Variants in NTRK3 observed in about 807,000 individuals in gnomAD.
NTRK3 encodes NT-3 growth factor receptor.
In NTRK3, 24 loss-of-function variants were observed where a neutral mutation model predicts 91.7. The observed-to-expected ratio is 0.26, with a 90% CI of 0.19 to 0.37. NTRK3 has a LOEUF of 0.37. Ranked by LOEUF, NTRK3 falls within the 10% of genes least tolerant of loss-of-function variation. NTRK3 has a pLI of 1.00. For synonymous variants in NTRK3, 483 were observed against 404.0 expected, an observed-to-expected ratio of 1.20 and a Z score of -2.34; for missense variants, 880 against 1,068.9, an observed-to-expected ratio of 0.82 and a Z score of 2.46.
chr15:88,006,430 G>A (rs1350551085), intron 14 of NTRK3, among the ~76,000 whole-genome samples: 1 of 152,222 alleles, frequency 6.6e-6, no homozygotes, highest in African/African-American at 2.4e-5. Context: ...ACTACCAGGA[G>A]CCTGGGGAAA....
chr15:88,088,579 C>T (rs138635903), intron 13 of NTRK3, among the ~76,000 whole-genome samples: 1 of 152,206 alleles, frequency 6.6e-6, no homozygotes, highest in African/African-American at 2.4e-5. Flanking sequence ...TAATACTATG[C>T]ATATACCAGC....
At chr15:88,161,899 C>T (rs962027045) in intron 5 of NTRK3, among the ~76,000 whole-genome samples, 1 of 152,114 alleles carries the variant, frequency 6.6e-6, no homozygotes, top group East Asian at 1.9e-4. Flanking sequence ...GATTTTTTAC[C>T]ACAAGCAATG....
intron 14 of NTRK3, among the ~76,000 whole-genome samples, chr15:88,025,413 C>T (rs551339313): frequency 6.6e-6 from 1 of 152,306 alleles, no homozygotes; most frequent in South Asian, 2.1e-4. Context: ...GGTCAAAGCC[C>T]TAACTCCCAG....
chr15:87,865,754 G>A, exon 19 of NTRK3: 1 of 226,384 alleles, frequency 4.4e-6, no homozygotes. Flanking sequence ...GCTACAAAAT[G>A]TCAGAGTTCC....
chr15:87,984,054 G>A (rs2074524856), intron 14 of NTRK3, among the ~76,000 whole-genome samples: 1 of 152,150 alleles, frequency 6.6e-6, no homozygotes, highest in South Asian at 2.1e-4. Flanking sequence ...TTTTGATGAT[G>A]TTTCAGGGAG....
chr15:88,030,777 A>G (rs1243711743), intron 14 of NTRK3, among the ~76,000 whole-genome samples: 1 of 151,574 alleles, frequency 6.6e-6, no homozygotes, highest in East Asian at 1.9e-4. Context: ...TTAAAAAAAA[A>G]TCATTTATTT....
chr15:88,176,425 G>A (rs1202453929), intron 5 of NTRK3, among the ~76,000 whole-genome samples: 2 of 152,162 alleles, frequency 1.3e-5, no homozygotes, highest in Non-Finnish European at 1.5e-5. Context: ...GTGAGCCACT[G>A]TGCCCGGCCC....
intron 18 of NTRK3, among the ~76,000 whole-genome samples, chr15:87,878,706 T>C (rs973771379): frequency 3.3e-5 from 5 of 152,212 alleles, no homozygotes; most frequent in African/African-American, 1.2e-4. Context: ...GTGGGGGAAG[T>C]GGCTGAGGGC....
At chr15:88,009,656 C>T (rs1017080971) in intron 14 of NTRK3, among the ~76,000 whole-genome samples, 8 of 152,176 alleles carry the variant, frequency 5.3e-5, no homozygotes, top group African/African-American at 1.7e-4. Context: ...TGTTTTGCAA[C>T]CTGTCTATCT....
At chr15:88,036,679 G>A (rs1023072655) in intron 13 of NTRK3, among the ~76,000 whole-genome samples, 1 of 152,138 alleles carries the variant, frequency 6.6e-6, no homozygotes, top group African/African-American at 2.4e-5. Context: ...CCATGCCCAG[G>A]CTGTCTTGTT....
chr15:88,135,756 C>A, intron 9 of NTRK3, 143 bp downstream of exon 9: 1 of 1,132,578 alleles, frequency 8.8e-7, no homozygotes. Context: ...CTTCTCAGTC[C>A]TGCCCTACAA....
chr15:87,992,719 G>C (rs994933359), intron 14 of NTRK3, among the ~76,000 whole-genome samples: 3 of 152,248 alleles, frequency 2.0e-5, no homozygotes, highest in Non-Finnish European at 4.4e-5. Flanking sequence ...TGAAGGGGCA[G>C]AGATGCTCAG....
intron 13 of NTRK3, among the ~76,000 whole-genome samples, chr15:88,061,039 C>T (rs2046169291): frequency 6.6e-6 from 1 of 151,800 alleles, no homozygotes; most frequent in Admixed American, 6.6e-5. Flanking sequence ...CATCTACTTC[C>T]ATTTTTTCAG....
chr15:87,958,827 G>A (rs988893329), intron 14 of NTRK3, among the ~76,000 whole-genome samples: 7 of 151,916 alleles, frequency 4.6e-5, no homozygotes, highest in African/African-American at 1.5e-4. Flanking sequence ...CTGGGACATG[G>A]TCGGCTAACC....
rs779387312 is a variant in NTRK3 at position 88,255,984 on chromosome 15, A to G, written c.170T>C (p.Leu57Pro). The G allele has an allele frequency of 6.2e-7, 1 of 1,613,328 alleles. No individual in the cohort carries two copies. Among genetic ancestry groups the G allele is most frequent in the Non-Finnish European group, 8.5e-7 (1 of 1,179,608 alleles). The change falls in exon 3 of 19, where the codon CTG becomes CCG. Residue 57 changes from leucine to proline, a missense_variant. Around this residue, in one of 3 missense-constraint regions of NTRK3, gnomAD observed 743 missense variants for 868.6 expected, o/e 0.86. Transcript: ENST00000394480. This position sits in a 1 kb window ranked among gnomAD's most constrained non-coding sequence, Gnocchi z 4.3. ...GCTGTTCCCTGAATCCTGCCCTTCC[A>G]GGAGGGGGAAGAGGTTCCCATCGTC...
rs77266859 is a variant in NTRK3 at position 88,078,278 on chromosome 15, C to A, written c.1397-45233G>T. On this transcript the variant is annotated intron_variant, in intron 13 of 18. Transcript: ENST00000394480. Reference sequence around the variant, plus strand: ...ACAGAAAGTCCCTGCTCTCAGGGAGCTTTGTCCTTATTGGCGAAGAAGCAC... The same window carrying A: ...ACAGAAAGTCCCTGCTCTCAGGGAGATTTGTCCTTATTGGCGAAGAAGCAC... Among the ~76,000 whole-genome samples, 1,251 of 152,256 alleles carry A rather than the reference C, an allele frequency of 8.2e-3. 18 individuals carry two copies. Among genetic ancestry groups the A allele is most frequent in the African/African-American group, 0.029 (1,185 of 41,540 alleles).
At chr15:87,880,943 C>T (rs760635341) in intron 17 of NTRK3, among the ~76,000 whole-genome samples, 2 of 152,200 alleles carry the variant, frequency 1.3e-5, no homozygotes, top group African/African-American at 4.8e-5. Flanking sequence ...GTGAAGGAGA[C>T]AGAGACATTC....
chr15:87,952,275 A>G (rs188718266), intron 14 of NTRK3, among the ~76,000 whole-genome samples: 2 of 143,482 alleles, frequency 1.4e-5, no homozygotes, highest in Middle Eastern at 3.5e-3. Flanking sequence ...AAGGAAGGAA[A>G]GAAAGAAAGA....
intron 13 of NTRK3, among the ~76,000 whole-genome samples, chr15:88,057,291 G>GT (rs1173300753): frequency 6.6e-6 from 1 of 151,562 alleles, no homozygotes; most frequent in East Asian, 2.0e-4. Flanking sequence ...GAGGTCAGGA[G>GT]TTTGAGACCA....
Sources: allele counts gnomAD v4.1 joint callset (sites outside exome capture counted in the v4.1 genomes callset), GRCh38; gene constraint gnomAD v4.1.1; regional missense constraint gnomAD v4.1.1; non-coding constraint Gnocchi (gnomAD v3.1); transcripts MANE v1.5; gene names NCBI Gene and HGNC (gene_info 2026-07-23, HGNC 2026-07-21).